Variants in XYLT1 observed in about 807,000 individuals in gnomAD.
XYLT1 encodes beta-D-xylosyltransferase 1.
XYLT1 carries 36 observed loss-of-function variants against 91.3 expected under a neutral mutation model. That is an observed-to-expected ratio of 0.39 (90% CI 0.30 to 0.52). The LOEUF is 0.52. Ranked by LOEUF, XYLT1 falls within the 20% of genes least tolerant of loss-of-function variation. The pLI is 0.68. For synonymous variants in XYLT1, 588 were observed against 532.0 expected (o/e 1.11, Z -1.45); for missense variants, 1,242 against 1,284.5 (o/e 0.97, Z 0.51).
chr16:17,115,363 A>G (rs1966849818), intron 11 of XYLT1, among the ~76,000 whole-genome samples: 1 of 141,626 alleles, frequency 7.1e-6, no homozygotes, highest in South Asian at 2.4e-4. Context: ...ACACTCGTGT[A>G]GTTTCAGCTA....
intron 3 of XYLT1, among the ~76,000 whole-genome samples, chr16:17,220,835 T>G (rs2032954563): frequency 1.3e-5 from 2 of 152,188 alleles, no homozygotes; most frequent in African/African-American, 4.8e-5. Flanking sequence ...CATTTGCTTG[T>G]CTCTCCAACT....
chr16:17,218,186 G>A (rs1173980552), intron 3 of XYLT1, among the ~76,000 whole-genome samples: 6 of 151,748 alleles, frequency 4.0e-5, no homozygotes, highest in Non-Finnish European at 7.4e-5. Flanking sequence ...TGAACCCAGG[G>A]GGTGGAGGTT....
At chr16:17,357,971 C>T (rs2035324939) in intron 2 of XYLT1, 41 bp downstream of exon 2, 2 of 1,607,320 alleles carry the variant, frequency 1.2e-6, no homozygotes, top group Non-Finnish European at 1.7e-6. Flanking sequence ...AGCTGGAATA[C>T]TAAGGCTGAG....
intron 3 of XYLT1, among the ~76,000 whole-genome samples, chr16:17,230,343 T>G (rs985611036): frequency 6.6e-6 from 1 of 152,204 alleles, no homozygotes; most frequent in Non-Finnish European, 1.5e-5. Flanking sequence ...GAAGCTTGAC[T>G]GATTCACTTT....
intron 2 of XYLT1, among the ~76,000 whole-genome samples, chr16:17,329,100 C>T (rs918842332): frequency 6.6e-6 from 1 of 152,226 alleles, no homozygotes; most frequent in Non-Finnish European, 1.5e-5. Context: ...TCTCTCACAA[C>T]GGCTCAGCTC....
In XYLT1 at chr16:17,141,258, G is replaced by C; in HGVS notation, c.1482C>G (p.Asp494Glu). The change falls in exon 7 of 12, where the codon GAC becomes GAG. Residue 494 changes from aspartate to glutamate, a missense_variant. Coordinates refer to ENST00000261381, the MANE Select transcript of XYLT1 (RefSeq NM_022166.4). ...CAAACCTCCGGTTCAGCAGGAACCA[G>C]TCCGAACCGCCATCCACGGCAATGC... ...PEGIAVDGGS[D>E]WFLLNRRFVE... 2 of 1,614,204 alleles carry C rather than the reference G, an allele frequency of 1.2e-6. No homozygotes were observed. The highest frequency in any genetic ancestry group is 1.7e-6 in the Non-Finnish European group (2 of 1,180,038).
intron 2 of XYLT1, among the ~76,000 whole-genome samples, chr16:17,283,165 C>T (rs969398471): frequency 6.6e-6 from 1 of 152,198 alleles, no homozygotes; most frequent in African/African-American, 2.4e-5. Flanking sequence ...CCCTGGAAAA[C>T]TGACAGACTG....
intron 3 of XYLT1, among the ~76,000 whole-genome samples, chr16:17,201,164 G>GT (rs2032534473): frequency 6.6e-6 from 1 of 152,204 alleles, no homozygotes; most frequent in African/African-American, 2.4e-5. Flanking sequence ...CTACAGTACT[G>GT]CTGCCTATTA....
chr16:17,128,374 T>G (rs528203199), intron 9 of XYLT1, among the ~76,000 whole-genome samples: 18 of 152,356 alleles, frequency 1.2e-4, no homozygotes, highest in African/African-American at 4.3e-4. Context: ...TTTGTATGTG[T>G]TGATGCTCGG....
chr16:17,284,313 G>A (rs35694218), intron 2 of XYLT1, among the ~76,000 whole-genome samples: 34,142 of 152,008 alleles, frequency 0.22, 3,982 homozygotes, highest in Middle Eastern at 0.35. Flanking sequence ...TAACACTGGA[G>A]CACCTTCTAG....
At chr16:17,293,025 G>A (rs1431009006) in intron 2 of XYLT1, among the ~76,000 whole-genome samples, 2 of 152,180 alleles carry the variant, frequency 1.3e-5, no homozygotes, top group African/African-American at 4.8e-5. Context: ...AGGCATGGGA[G>A]CATTTCAGAG....
intron 1 of XYLT1, among the ~76,000 whole-genome samples, chr16:17,364,490 T>G (rs1004115769): frequency 4.6e-5 from 7 of 152,212 alleles, no homozygotes; most frequent in Non-Finnish European, 8.8e-5. Flanking sequence ...TTTGATTTCT[T>G]CCTCCAGGCT....
chr16:17,427,972 C>T (rs115463427), intron 1 of XYLT1, among the ~76,000 whole-genome samples: 2,431 of 152,000 alleles, frequency 0.016, 68 homozygotes, highest in African/African-American at 0.056. Flanking sequence ...ACCGGAGAGG[C>T]GGGGGTTTGG....
At chr16:17,147,928 T>C (rs1335500803) in intron 6 of XYLT1, among the ~76,000 whole-genome samples, 1 of 152,170 alleles carries the variant, frequency 6.6e-6, no homozygotes, top group Non-Finnish European at 1.5e-5. Context: ...AAGCCCCATA[T>C]ACAAAAGGTG....
rs1174585875 is a variant in XYLT1 at position 17,212,366 on chromosome 16, G to T, written c.914-11712C>A. ...AATAAATTCTAACTTAATTAGTTTG[G>T]TGGGCGCAAGTATTGGGACTCTTTT... On this transcript the variant is annotated intron_variant, in intron 3 of 11. Coordinates refer to ENST00000261381, the MANE Select transcript of XYLT1 (RefSeq NM_022166.4). Among the ~76,000 whole-genome samples the T allele has an allele frequency of 3.9e-5, 6 of 152,082 alleles. No individual in the cohort carries two copies. The East Asian group carries it at 1.2e-3, about 29-fold the overall frequency.
At chr16:17,170,739 A>G (rs970609042) in intron 5 of XYLT1, among the ~76,000 whole-genome samples, 1 of 152,168 alleles carries the variant, frequency 6.6e-6, no homozygotes, top group Non-Finnish European at 1.5e-5. Context: ...GGTTTATTCA[A>G]ATAATCACCA....
rs115955382 is a variant in XYLT1 at position 17,112,139 on chromosome 16, A to G, written c.2558-3122T>C. On this transcript the variant is annotated intron_variant, in intron 11 of 11. Coordinates refer to ENST00000261381, the MANE Select transcript of XYLT1 (RefSeq NM_022166.4). ...TGGTTGATGCAAAAAAACCCTTATG[A>G]GAAATGAGGTTAATGTGGGAAACGC... 9.2e-3 allele frequency among the ~76,000 whole-genome samples: 1,399 copies of G among 152,332 alleles called. 17 individuals are homozygous for G. Among genetic ancestry groups the G allele is most frequent in the African/African-American group, 0.032 (1,321 of 41,568 alleles).
At chr16:17,134,955 ACT>A (rs2030655047) in intron 8 of XYLT1, among the ~76,000 whole-genome samples, 5 of 152,234 alleles carry the variant, frequency 3.3e-5, no homozygotes, top group Non-Finnish European at 7.3e-5. Flanking sequence ...AATGATAGGC[ACT>A]TAGTAAGCAT....
In XYLT1 at chr16:17,138,400, G is replaced by A. The variant is rs763895341; in HGVS notation, c.1719C>T (p.Gly573=). Residue 573 remains glycine, a synonymous_variant, in exon 8 of 12, where the codon GGC becomes GGT. Transcript: ENST00000261381. ...GCGGCTTGAAGTCATTGGGGGAGCA[G>A]CCGCACCAGTCCACGATGTGCTTGT... ...CQYKHIVDWC[G]CSPNDFKPQD... 4 of 1,613,990 alleles carry A rather than the reference G, an allele frequency of 2.5e-6. No individual in the cohort carries two copies. Among genetic ancestry groups the A allele is most frequent in the Non-Finnish European group, 3.4e-6 (4 of 1,180,028 alleles).
Sources: gnomAD v4.1 joint callset for allele counts (sites outside exome capture counted in the v4.1 genomes callset) on GRCh38, gnomAD v4.1.1 for gene constraint, MANE v1.5 for transcripts, NCBI Gene and HGNC (gene_info 2026-07-23, HGNC 2026-07-21) for gene names.